Variants in SLC35D2 observed in about 807,000 individuals in gnomAD.
The protein encoded by SLC35D2 is solute carrier family 35 member D2.
Under a neutral mutation model 41.8 loss-of-function variants are expected in SLC35D2, and 43 were observed. That is an observed-to-expected ratio of 1.03 (90% CI 0.81 to 1.33). The LOEUF is 1.33. Ranked by LOEUF, SLC35D2 falls within the 40% of genes most tolerant of loss-of-function variation. SLC35D2 has a pLI of 0.00. For synonymous variants in SLC35D2, 150 were observed against 163.9 expected, an observed-to-expected ratio of 0.92 and a Z score of 0.65; for missense variants, 380 against 408.4, an observed-to-expected ratio of 0.93 and a Z score of 0.60.
At chr9:96,355,891 T>G (rs1026895112) in intron 4 of SLC35D2, among the ~76,000 whole-genome samples, 4 of 152,244 alleles carry the variant, frequency 2.6e-5, no homozygotes, top group African/African-American at 9.6e-5. Flanking sequence ...CCTTAAGTTA[T>G]TAAAACCTTA....
chr9:96,321,196 C>A lies in SLC35D2; in HGVS notation c.*46G>T, dbSNP rs556160631. 3.5e-6 allele frequency: 5 copies of A among 1,440,972 alleles called. No homozygotes were observed. Among genetic ancestry groups the A allele is most frequent in the East Asian group, 4.6e-5 (2 of 43,944 alleles). 89.3% of individuals were successfully genotyped at this position (1,440,972 alleles called of 1,614,324 possible). ...TTCACATTCCTACTGGGAATGCCCC[C>A]CCAGCCCGCAGTCACAAGTCAGTCT... On this transcript the variant is annotated 3_prime_UTR_variant, in exon 12 of 12. Transcript: ENST00000253270.
intron 9 of SLC35D2, among the ~76,000 whole-genome samples, chr9:96,324,913 G>A (rs1191129390): frequency 7.9e-5 from 12 of 152,126 alleles, no homozygotes; most frequent in Admixed American, 7.9e-4. Flanking sequence ...TGCTTCACAT[G>A]GTTTGAGGTG....
chr9:96,348,752 G>A (rs184721920), intron 6 of SLC35D2, among the ~76,000 whole-genome samples: 1 of 152,298 alleles, frequency 6.6e-6, no homozygotes, highest in East Asian at 1.9e-4. Context: ...GCTCTTGGTT[G>A]AAAGTTAGAT....
intron 6 of SLC35D2, chr9:96,350,856 TG>T (rs1305332323): frequency 2.9e-6 from 1 of 348,506 alleles, no homozygotes; most frequent in African/African-American, 2.1e-5. Context: ...CACTGCTTTT[TG>T]TGAAGAAAAG....
chr9:96,337,907 G>A (rs984551319), intron 8 of SLC35D2, among the ~76,000 whole-genome samples: 3 of 150,690 alleles, frequency 2.0e-5, no homozygotes, highest in Non-Finnish European at 3.0e-5. Flanking sequence ...ACTTGAACCC[G>A]GGAGGCAGAG....
At chr9:96,334,316 C>T (rs1408355919) in intron 9 of SLC35D2, among the ~76,000 whole-genome samples, 1 of 152,130 alleles carries the variant, frequency 6.6e-6, no homozygotes, top group African/African-American at 2.4e-5. Context: ...CTCAAATTCC[C>T]AATTTCAGCT....
chr9:96,353,273 T>A (rs1448542984), intron 4 of SLC35D2, among the ~76,000 whole-genome samples: 2 of 151,928 alleles, frequency 1.3e-5, no homozygotes, highest in African/African-American at 4.8e-5. Context: ...ATAAAACAAA[T>A]GGATACAAAA....
At chr9:96,328,522 G>A (rs4609305) in intron 9 of SLC35D2, among the ~76,000 whole-genome samples, 20,283 of 152,216 alleles carry the variant, frequency 0.13, 1,804 homozygotes, top group East Asian at 0.28. Context: ...TGAGTGTTCT[G>A]CTTCTAGGGC....
rs373089900 is a variant in SLC35D2 at position 96,338,005 on chromosome 9, A to AAAAAAAG, written c.685-1222_685-1221insCTTTTTT. Among the ~76,000 whole-genome samples the AAAAAAAG allele has an allele frequency of 1.1e-4, 12 of 104,792 alleles. 2 individuals are homozygous for AAAAAAAG. The highest frequency in any genetic ancestry group is 1.1e-4 in the Non-Finnish European group (6 of 55,682). The allele number at this position is 104,792 out of a possible 152,430, so 68.7% of individuals were successfully genotyped here. On this transcript the variant is annotated intron_variant, in intron 8 of 11. Transcript: ENST00000253270. ...TCAAAAAAAAAAAAAAAAAAAAAAA[A>AAAAAAAG]CTCAATTTCTGCTCTCCAGGAATTT...
exon 12 of SLC35D2, among the ~76,000 whole-genome samples, chr9:96,313,749 G>C (rs1564076620): frequency 6.6e-6 from 1 of 152,206 alleles, no homozygotes; most frequent in Non-Finnish European, 1.5e-5. Flanking sequence ...CGTCCTCCCT[G>C]GGCAGCCTCT....
At chr9:96,352,602 G>A (rs1587690477) in intron 4 of SLC35D2, among the ~76,000 whole-genome samples, 1 of 152,082 alleles carries the variant, frequency 6.6e-6, no homozygotes, top group African/African-American at 2.4e-5. Flanking sequence ...GATTACAGGC[G>A]TGAGCCACCG....
At chr9:96,365,170 A>G (rs1382805836) in intron 2 of SLC35D2, among the ~76,000 whole-genome samples, 2 of 152,068 alleles carry the variant, frequency 1.3e-5, no homozygotes, top group Non-Finnish European at 2.9e-5. Flanking sequence ...CCTAAGCAAC[A>G]TGGTGAAAAC....
intron 10 of SLC35D2, among the ~76,000 whole-genome samples, chr9:96,323,681 C>CT (rs1205125322): frequency 1.3e-5 from 2 of 152,042 alleles, no homozygotes; most frequent in African/African-American, 4.8e-5. Flanking sequence ...AATCCCAGCA[C>CT]TTTGGGAGGC....
In SLC35D2 at chr9:96,331,976, T is replaced by C. The variant is rs545011626; in HGVS notation, c.752+4741A>G. Among the ~76,000 whole-genome samples, 3 of 152,170 alleles carry C rather than the reference T, an allele frequency of 2.0e-5. No homozygotes were observed. The East Asian group carries it at 5.8e-4, about 29-fold the overall frequency. ...TACCCATCCTGCATCCATGGAAAAA[T>C]TGTCTTCCAAGAAACCGGTCCCTGG... On this transcript the variant is annotated intron_variant, in intron 9 of 11. Transcript: ENST00000253270.
At chr9:96,367,999 A>G (rs1830543196) in intron 2 of SLC35D2, among the ~76,000 whole-genome samples, 1 of 152,186 alleles carries the variant, frequency 6.6e-6, no homozygotes, top group South Asian at 2.1e-4. Flanking sequence ...GGAGGCTTTG[A>G]GTCTTGCAGC....
At chr9:96,336,889 C>T in intron 8 of SLC35D2, 105 bp from the exon 9 acceptor site, 1 of 679,300 alleles carries the variant, frequency 1.5e-6, no homozygotes, top group Non-Finnish European at 2.5e-6. Flanking sequence ...TCTTCCCAAA[C>T]AGAAAACATA....
intron 9 of SLC35D2, 48 bp downstream of exon 9, chr9:96,336,669 T>C (rs1212205885): frequency 8.9e-7 from 1 of 1,124,090 alleles, no homozygotes; most frequent in African/African-American, 1.6e-5. Context: ...ATTTGACTTG[T>C]CAAGAGATAC....
chr9:96,322,184 G>C, intron 10 of SLC35D2, 104 bp from the exon 11 acceptor site: 2 of 736,848 alleles, frequency 2.7e-6, no homozygotes, highest in Non-Finnish European at 4.7e-6. Context: ...TTTGCATAGA[G>C]ACTTGTACAT....
At chr9:96,368,401 A>G in intron 1 of SLC35D2, 96 bp from the exon 2 acceptor site, 1 of 969,756 alleles carries the variant, frequency 1.0e-6, no homozygotes. Flanking sequence ...CAATCTGAGA[A>G]AATGAAAATT....
Sources: gnomAD v4.1 joint callset for allele counts (sites outside exome capture counted in the v4.1 genomes callset) on GRCh38, gnomAD v4.1.1 for gene constraint, MANE v1.5 for transcripts, NCBI Gene and HGNC (gene_info 2026-07-23, HGNC 2026-07-21) for gene names.